Variants in RB1 observed in about 807,000 individuals in gnomAD.
RB1 encodes the protein RB transcriptional corepressor 1.
A neutral mutation model predicts 135.4 loss-of-function variants in RB1; 18 were observed. The ratio of observed to expected loss-of-function variants is 0.13; its 90% CI spans 0.09 to 0.20. The LOEUF is 0.20. Among genes scored for constraint, RB1 ranks in the 10% least tolerant of loss-of-function variants. The pLI is 1.00. For missense variants in RB1, 868 were observed against 1,110.0 expected, an observed-to-expected ratio of 0.78 and a Z score of 3.10; for synonymous variants, 365 against 373.2, an observed-to-expected ratio of 0.98 and a Z score of 0.25.
chr13:48,461,870 T>C (rs1167807937), intron 20 of RB1, among the ~76,000 whole-genome samples: 2 of 152,226 alleles, frequency 1.3e-5, no homozygotes, highest in Non-Finnish European at 1.5e-5. Context: ...TCTTGCTCTG[T>C]CGCCCAGGCT....
chr13:48,361,517 C>T (rs1952639435), intron 7 of RB1, among the ~76,000 whole-genome samples: 2 of 152,076 alleles, frequency 1.3e-5, no homozygotes, highest in African/African-American at 4.8e-5. Flanking sequence ...CCTTATACAT[C>T]TCAGTATATA....
chr13:48,318,139 C>G (rs1952202042), intron 2 of RB1: 1 of 511,172 alleles, frequency 2.0e-6, no homozygotes, highest in Non-Finnish European at 3.5e-6. Context: ...TGGCTCCTGA[C>G]GCCCTCCTGC....
In RB1 at chr13:48,381,327, G is replaced by A. The variant is rs2138145221; in HGVS notation, c.1579G>A (p.Asp527Asn). 1 of 1,611,700 alleles carries A rather than the reference G, an allele frequency of 6.2e-7. No individual in the cohort carries two copies. The highest frequency in any genetic ancestry group is 8.5e-7 in the Non-Finnish European group (1 of 1,179,122). ...GAATGTGCTTAATTTAAAAGCCTTTGATTTTTACAAAGTGATCGAAAGTTT... is the reference window on the plus strand; with the variant it reads ...GAATGTGCTTAATTTAAAAGCCTTTAATTTTTACAAAGTGATCGAAAGTTT... Reference protein sequence around the residue: ...ILNVLNLKAFDFYKVIESFIK... With the variant: ...ILNVLNLKAFNFYKVIESFIK... The change falls in exon 17 of 27, where the codon GAT (aspartate) becomes AAT (asparagine). Residue 527 changes from aspartate to asparagine, a missense_variant. Coordinates refer to ENST00000267163, the MANE Select transcript of RB1 (RefSeq NM_000321.3).
intron 17 of RB1, among the ~76,000 whole-genome samples, chr13:48,409,080 A>G (rs1948765136): frequency 6.6e-6 from 1 of 151,604 alleles, no homozygotes; most frequent in Admixed American, 6.6e-5. Flanking sequence ...TATTATGTAT[A>G]TATTTCTCTT....
At chr13:48,455,524 G>A (rs1392987230) in intron 18 of RB1, among the ~76,000 whole-genome samples, 1 of 152,098 alleles carries the variant, frequency 6.6e-6, no homozygotes, top group Admixed American at 6.5e-5. Context: ...TCCATAGTAA[G>A]GTACAAATTC....
Position 48,413,840 on chromosome 13 carries a change from AT to A in RB1, c.1695+32404del, listed in dbSNP as rs555215538. Among the ~76,000 whole-genome samples, 519 of 152,222 alleles carry A rather than the reference AT, an allele frequency of 3.4e-3. 7 individuals are homozygous for A. The highest frequency in any genetic ancestry group is 0.012 in the African/African-American group (504 of 41,550). Reference sequence around the variant, plus strand: ...ATGAAATTGCATCTTTTTAAGCAAAATTTTTTTAACCTTAAATTGATTGAAA... The same window carrying A: ...ATGAAATTGCATCTTTTTAAGCAAAATTTTTTAACCTTAAATTGATTGAAA... On this transcript the variant is annotated intron_variant, in intron 17 of 26. Coordinates refer to ENST00000267163, the MANE Select transcript of RB1 (RefSeq NM_000321.3).
rs1555294964 is a variant in RB1, at chr13:48,471,573, T to TAAAAAAAAAAAA, written c.2490-1784_2490-1773dup. ...CTTAGAGTATAATAAAAAATATAAATAAAAAAAAAAAAAAGAAAATCTATT... is the reference window on the plus strand; with the variant it reads ...CTTAGAGTATAATAAAAAATATAAATAAAAAAAAAAAAAAAAAAAAAAAAAAGAAAATCTATT... On this transcript the variant is annotated intron_variant, in intron 23 of 26. Transcript: ENST00000267163. Among the ~76,000 whole-genome samples, 3 of 133,992 alleles carry TAAAAAAAAAAAA rather than the reference T, an allele frequency of 2.2e-5. 1 individual carries two copies. The highest frequency in any genetic ancestry group is 2.7e-5 in the African/African-American group (1 of 36,748). The allele number at this position is 133,992 out of a possible 152,430, so 87.9% of individuals were successfully genotyped here.
chr13:48,326,729 C>G (rs1203264112), intron 2 of RB1, among the ~76,000 whole-genome samples: 1 of 152,054 alleles, frequency 6.6e-6, no homozygotes, highest in Non-Finnish European at 1.5e-5. Flanking sequence ...GCTCAGCGAG[C>G]AGTTACCACC....
chr13:48,444,344 C>T (rs1383523378), intron 17 of RB1, among the ~76,000 whole-genome samples: 1 of 152,094 alleles, frequency 6.6e-6, no homozygotes, highest in Admixed American at 6.5e-5. Flanking sequence ...TGGCAAAACC[C>T]CGTCTCTACT....
chr13:48,462,454 T>C (rs1234554400), intron 20 of RB1, among the ~76,000 whole-genome samples: 1 of 152,186 alleles, frequency 6.6e-6, no homozygotes, highest in African/African-American at 2.4e-5. Flanking sequence ...TTATTTGTCT[T>C]GTTATTATTG....
intron 2 of RB1, chr13:48,317,006 A>T (rs1952190086): frequency 1.9e-6 from 1 of 533,664 alleles, no homozygotes; most frequent in Non-Finnish European, 3.2e-6. Flanking sequence ...TCAGGTCTAA[A>T]ATGCTTTCCT....
At chr13:48,387,392 A>T (rs1261983029) in intron 17 of RB1, among the ~76,000 whole-genome samples, 2 of 152,166 alleles carry the variant, frequency 1.3e-5, no homozygotes, top group African/African-American at 4.8e-5. Context: ...TTCCTAATGG[A>T]AGAATATATA....
rs374815710 is a variant in RB1 at position 48,356,993 on chromosome 13, C to T, written c.608-3024C>T. Among the ~76,000 whole-genome samples, 39 of 151,876 alleles carry T rather than the reference C, an allele frequency of 2.6e-4. 1 individual carries two copies. Among genetic ancestry groups the T allele is most frequent in the South Asian group, 1.2e-3 (6 of 4,814 alleles). On this transcript the variant is annotated intron_variant, in intron 6 of 26. Transcript: ENST00000267163. ...GAGAAAGCTGAGACTAGCGTAATTCCGCTCCTCATTTACTTCCTGAAGAAT... is the reference window on the plus strand; with the variant it reads ...GAGAAAGCTGAGACTAGCGTAATTCTGCTCCTCATTTACTTCCTGAAGAAT...
chr13:48,456,110 C>T (rs2138330613), intron 18 of RB1, 94 bp from the exon 19 acceptor site: 1 of 1,564,004 alleles, frequency 6.4e-7, no homozygotes, highest in Non-Finnish European at 8.7e-7. Context: ...ATTAAATAGA[C>T]AAGATGTATC....
At chr13:48,363,267 A>G (rs928410369) in intron 8 of RB1, among the ~76,000 whole-genome samples, 9 of 151,724 alleles carry the variant, frequency 5.9e-5, no homozygotes, top group Non-Finnish European at 4.4e-5. Context: ...ATACCCTGCC[A>G]AGGCTGGGCA....
intron 17 of RB1, among the ~76,000 whole-genome samples, chr13:48,420,886 G>A (rs1297883493): frequency 6.6e-6 from 1 of 152,052 alleles, no homozygotes; most frequent in Non-Finnish European, 1.5e-5. Context: ...GAAATAAAGA[G>A]GACACAAACA....
chr13:48,368,520 T>C lies in RB1; in HGVS notation c.1050-7T>C. On this transcript the variant is annotated splice_region_variant and splice_polypyrimidine_tract_variant and intron_variant, in intron 10 of 26. Transcript: ENST00000267163. ...GTATGTGAATGACTTCACTTATTGTTATTTAGTTTTGAAACACAGAGAACA... is the reference window on the plus strand; with the variant it reads ...GTATGTGAATGACTTCACTTATTGTCATTTAGTTTTGAAACACAGAGAACA... 6.2e-7 allele frequency: 1 copy of C among 1,613,070 alleles called. No individual in the cohort carries two copies. The highest frequency in any genetic ancestry group is 8.5e-7 in the Non-Finnish European group (1 of 1,179,530).
chr13:48,370,802 C>G (rs540400243), intron 11 of RB1, among the ~76,000 whole-genome samples: 1 of 152,302 alleles, frequency 6.6e-6, no homozygotes, highest in African/African-American at 2.4e-5. Flanking sequence ...TAACCTTCAG[C>G]TTCCCTCCCC....
intron 21 of RB1, among the ~76,000 whole-genome samples, chr13:48,464,531 T>G (rs561371785): frequency 6.6e-6 from 1 of 152,358 alleles, no homozygotes; most frequent in South Asian, 2.1e-4. Context: ...TGTCTACTTC[T>G]TGCAATTGCG....
Sources: allele counts gnomAD v4.1 joint callset (sites outside exome capture counted in the v4.1 genomes callset), GRCh38; gene constraint gnomAD v4.1.1; transcripts MANE v1.5; gene names NCBI Gene and HGNC (gene_info 2026-07-23, HGNC 2026-07-21).